Variants in MDC1 observed in about 807,000 individuals in gnomAD.
MDC1 encodes mediator of DNA damage checkpoint 1.
A neutral mutation model predicts 142.5 loss-of-function variants in MDC1; 81 were observed. The observed-to-expected ratio is 0.57, with a 90% CI of 0.47 to 0.68. The LOEUF is 0.68. Among genes scored for constraint, MDC1 ranks in the 30% least tolerant of loss-of-function variants. The pLI is 0.00. For synonymous variants in MDC1, 797 were observed against 968.4 expected, an observed-to-expected ratio of 0.82 and a Z score of 3.29; for missense variants, 2,119 against 2,547.9, an observed-to-expected ratio of 0.83 and a Z score of 3.62.
In MDC1 at chr6:30,715,257, G is replaced by C; in HGVS notation, c.-3-79C>G. On this transcript the variant is annotated intron_variant, in intron 1 of 14. Transcript: ENST00000376406. This position sits in a 1 kb window ranked among gnomAD's most constrained non-coding sequence, Gnocchi z 4.1. ...ATCAGAGTTATCAGACTGAAAACTA[G>C]GGGGTAAACTGGATCATTATGAACG... 1 of 1,471,374 alleles carries C rather than the reference G, an allele frequency of 6.8e-7. No homozygotes were observed. 91.1% of individuals were successfully genotyped at this position (1,471,374 alleles called of 1,614,324 possible).
At position 30,706,097 on chromosome 6, in the gene MDC1, C is replaced by A. The variant is rs1773752933; in HGVS notation, c.3086G>T (p.Gly1029Val). ...ACAAGCATCTGGAGATTCCTGATCGCCCTAGGGAGAAACAGAAGCAAGTGA... is the reference window on the plus strand; with the variant it reads ...ACAAGCATCTGGAGATTCCTGATCGACCTAGGGAGAAACAGAAGCAAGTGA... ...RIRAAEKVSRGDQESPDACLP... is the reference protein window; with the variant it reads ...RIRAAEKVSRVDQESPDACLP... The change falls in exon 10 of 15, where the codon GGC becomes GTC. Residue 1029 changes from glycine to valine, a missense_variant and splice_region_variant. By Grantham distance (109) the Gly-to-Val change is moderately radical (BLOSUM62 -3). Transcript: ENST00000376406. 1.3e-6 allele frequency: 2 copies of A among 1,561,142 alleles called. No homozygotes were observed. The highest frequency in any genetic ancestry group is 2.2e-5 in the East Asian group (1 of 44,580).
chr6:30,707,884 C>T lies in MDC1; in HGVS notation c.2695G>A (p.Glu899Lys). 1.2e-6 allele frequency: 2 copies of T among 1,613,052 alleles called. No individual in the cohort carries two copies. Among genetic ancestry groups the T allele is most frequent in the South Asian group, 2.2e-5 (2 of 91,086 alleles). Reference sequence around the variant, plus strand: ...TTCTGTACTTGTTTCTCTTGTATTTCCTCAGATGTCTCAATTTCTACCTTC... The same window carrying T: ...TTCTGTACTTGTTTCTCTTGTATTTTCTCAGATGTCTCAATTTCTACCTTC... Reference protein sequence around the residue: ...SLKVEIETSEEIQEKQVQKQT... With the variant: ...SLKVEIETSEKIQEKQVQKQT... The change falls in exon 8 of 15, where the codon GAA becomes AAA. Residue 899 changes from glutamate (E) to lysine (K), a missense_variant. Coordinates refer to ENST00000376406, the MANE Select transcript of MDC1 (RefSeq NM_014641.3).
intron 7 of MDC1, 52 bp downstream of exon 7, chr6:30,711,360 A>G (rs1002129942): frequency 7.9e-6 from 12 of 1,518,346 alleles, no homozygotes; most frequent in Non-Finnish European, 1.1e-5. Context: ...GACAGAGGAA[A>G]AAAAAGAGAA....
chr6:30,708,223 G>A lies in MDC1; in HGVS notation c.2356C>T (p.Pro786Ser). 1 of 1,613,080 alleles carries A rather than the reference G, an allele frequency of 6.2e-7. No individual in the cohort carries two copies. Among genetic ancestry groups the A allele is most frequent in the Middle Eastern group, 1.6e-4 (1 of 6,062 alleles). The change falls in exon 8 of 15, where the codon CCA becomes TCA. Residue 786 changes from proline to serine, a missense_variant. Physicochemically the swap from Pro to Ser is moderately conservative, Grantham distance 74. Transcript: ENST00000376406. ...GGGCTCTCTGGATGTTGGTCTCCTG[G>A]TATTGCCCTAGGTGGAGACAGGCAA... is the stretch of plus-strand genomic sequence containing the variant. Reference protein sequence around the residue: ...GPCLSPPRAIPGDQHPESPVH... With the variant: ...GPCLSPPRAISGDQHPESPVH...
rs142380081 is a variant in MDC1, at chr6:30,700,733, T to C, written c.6103-101A>G. 65 of 1,226,012 alleles carry C rather than the reference T, an allele frequency of 5.3e-5. No homozygotes were observed. In the Middle Eastern group the frequency reaches 1.0e-3, roughly 20 times the overall value. 75.9% of individuals were successfully genotyped at this position (1,226,012 alleles called of 1,614,324 possible). A position where few individuals can be genotyped will look rare whatever the true frequency, so the allele number is the denominator to read the frequency against. On this transcript the variant is annotated intron_variant, in intron 14 of 14. Transcript: ENST00000376406. ...TTACCATCACTAAAATAATACCTCC[T>C]AATATGAAGCCAAGTGAAGCACACC...
chr6:30,700,935 C>T (rs1282651703), intron 14 of MDC1, among the ~76,000 whole-genome samples: 1 of 148,188 alleles, frequency 6.7e-6, no homozygotes, highest in East Asian at 2.0e-4. Context: ...TAGCCGGGCG[C>T]GCTGACGGGT....
In MDC1 at chr6:30,707,867, T is replaced by C. The variant is rs146144751; in HGVS notation, c.2712A>G (p.Gln904=). 832 of 1,613,144 alleles carry C rather than the reference T, an allele frequency of 5.2e-4. 1 individual carries two copies. The highest frequency in any genetic ancestry group is 1.4e-3 in the South Asian group (123 of 91,084). Residue 904 remains glutamine, a synonymous_variant, in exon 8 of 15, where the codon CAA becomes CAG. Coordinates refer to ENST00000376406, the MANE Select transcript of MDC1 (RefSeq NM_014641.3). The part of the protein sequence containing the change: ...IETSEEIQEK[Q]VQKQTLPSKA... ...TGCTTGGAAGGGTCTGCTTCTGTAC[T>C]TGTTTCTCTTGTATTTCCTCAGATG...
Position 30,713,424 on chromosome 6 carries a change from G to A in MDC1, c.588-70C>T. 1 of 1,455,990 alleles carries A rather than the reference G, an allele frequency of 6.9e-7. No homozygotes were observed. The highest frequency in any genetic ancestry group is 1.4e-5 in the South Asian group (1 of 73,252). 90.2% of individuals were successfully genotyped at this position (1,455,990 alleles called of 1,614,324 possible). ...AAGGGATACCCCAACTCAACTGTGA[G>A]CTCCTTGAGGGGAGACACAAGGTAG... is the stretch of plus-strand genomic sequence containing the variant. On this transcript the variant is annotated intron_variant, in intron 4 of 14. Transcript: ENST00000376406. The surrounding 1 kb of genome is among the most constrained non-coding windows in gnomAD (Gnocchi z 4.9).
chr6:30,701,274 G>A (rs1216997942), intron 14 of MDC1, among the ~76,000 whole-genome samples: 6 of 151,690 alleles, frequency 4.0e-5, no homozygotes, highest in East Asian at 1.9e-4. Flanking sequence ...GGTGGTGTGC[G>A]CCTGTAGTCC....
chr6:30,705,833 G>A lies in MDC1; in HGVS notation c.3350C>T (p.Pro1117Leu). ...AGGGGCAGCAGAGGTAGCTGGAAAG[G>A]GTGTCATTCTGGAGGACTTCCGAGT... Reference protein sequence around the residue: ...IRTRKSSRMTPFPATSAAPEP... With the variant: ...IRTRKSSRMTLFPATSAAPEP... The change falls in exon 10 of 15, where the codon CCC becomes CTC. Residue 1117 changes from proline to leucine, a missense_variant. Pro to Leu is a moderately conservative substitution (Grantham distance 98). Transcript: ENST00000376406. 1.2e-6 allele frequency: 2 copies of A among 1,612,102 alleles called. No individual in the cohort carries two copies. The highest frequency in any genetic ancestry group is 1.7e-6 in the Non-Finnish European group (2 of 1,178,992).
In MDC1 at chr6:30,704,270, G is replaced by C. The variant is rs1773306355; in HGVS notation, c.4913C>G (p.Thr1638Ser). The change falls in exon 10 of 15, where the codon ACT becomes AGT. Residue 1638 changes from threonine (T) to serine (S), a missense_variant. Coordinates refer to ENST00000376406, the MANE Select transcript of MDC1 (RefSeq NM_014641.3). ...PVTPKLTSRA[T>S]RRKTNRSSVK... is the part of the protein sequence containing the mutation. Reference sequence around the variant, plus strand: ...AGAGGACCTATTTGTCTTTCTCCTAGTGGCCCTAGATGTGAGCTTGGGGGT... The same window carrying C: ...AGAGGACCTATTTGTCTTTCTCCTACTGGCCCTAGATGTGAGCTTGGGGGT... The C allele has an allele frequency of 1.9e-6, 3 of 1,613,528 alleles. No individual in the cohort carries two copies. The highest frequency in any genetic ancestry group is 8.5e-7 in the Non-Finnish European group (1 of 1,179,738).
intron 9 of MDC1, among the ~76,000 whole-genome samples, chr6:30,706,786 G>A (rs937297234): frequency 6.6e-6 from 1 of 151,310 alleles, no homozygotes; most frequent in African/African-American, 2.4e-5. Context: ...GACAGAGTGA[G>A]ACTGTCTCAA....
Position 30,712,276 on chromosome 6 carries a change from C to T in MDC1, c.1666G>A (p.Val556Ile). The T allele has an allele frequency of 1.2e-6, 2 of 1,613,148 alleles. No homozygotes were observed. The highest frequency in any genetic ancestry group is 1.7e-6 in the Non-Finnish European group (2 of 1,180,042). The change falls in exon 5 of 15, where the codon GTT (valine) becomes ATT (isoleucine). Residue 556 changes from valine to isoleucine, a missense_variant. Physicochemically the swap from Val to Ile is conservative, Grantham distance 29. Coordinates refer to ENST00000376406, the MANE Select transcript of MDC1 (RefSeq NM_014641.3). The surrounding 1 kb of genome is among the most constrained non-coding windows in gnomAD (Gnocchi z 4.7). ...ACAAGCAGCTTTGCTGGTCCCCCAA[C>T]TGCTTTCACATCTGTTTGATTTGTC... ...EGTNQTDVKA[V>I]GGPAKLLVVS...
In MDC1 at chr6:30,705,332, A is replaced by G. The variant is rs1773590659; in HGVS notation, c.3851T>C (p.Val1284Ala). ...NRSSVKTPEPVVPTAPELRPS... is the reference protein window; with the variant it reads ...NRSSVKTPEPAVPTAPELRPS... ...CCGGAGCTCAGGGGCTGTGGGCACA[A>G]CTGGTTCAGGGGTCTTGACAGAGGA... The change falls in exon 10 of 15, where the codon GTT becomes GCT. Residue 1284 changes from valine to alanine, a missense_variant. By Grantham distance (64) the Val-to-Ala change is moderately conservative (BLOSUM62 0). Transcript: ENST00000376406. The G allele has an allele frequency of 3.7e-6, 6 of 1,602,988 alleles. No individual in the cohort carries two copies. The highest frequency in any genetic ancestry group is 5.1e-6 in the Non-Finnish European group (6 of 1,175,940).
At position 30,704,901 on chromosome 6, in the gene MDC1, G is replaced by C. The variant is rs1434570260; in HGVS notation, c.4282C>G (p.Pro1428Ala). Reference protein sequence around the residue: ...TSTDQPVTPEPTSQATRGRTN... With the variant: ...TSTDQPVTPEATSQATRGRTN... The stretch of plus-strand genomic sequence containing the variant: ...CTGCCCCTGGTGGCCTGAGATGTGG[G>C]CTCAGGAGTGACAGGTTGGTCTGTG... The change falls in exon 10 of 15, where the codon CCC becomes GCC. Residue 1428 changes from proline (P) to alanine (A), a missense_variant. Transcript: ENST00000376406. 6.2e-7 allele frequency: 1 copy of C among 1,605,434 alleles called. No individual in the cohort carries two copies. Among genetic ancestry groups the C allele is most frequent in the African/African-American group, 1.3e-5 (1 of 74,422 alleles).
At position 30,700,526 on chromosome 6, in the gene MDC1, A is replaced by G. The variant is rs1772439531; in HGVS notation, c.6209T>C (p.Leu2070Pro). 6.2e-7 allele frequency: 1 copy of G among 1,613,012 alleles called. No homozygotes were observed. Among genetic ancestry groups the G allele is most frequent in the Non-Finnish European group, 8.5e-7 (1 of 1,180,018 alleles). ...LSPEFLLTGV[L>P]KQEAKPEAFV... ...GGCCTCTGGCTTGGCTTCCTGCTTCAGCACTCCAGTCAGCAGGAACTCAGG... is the reference window on the plus strand; with the variant it reads ...GGCCTCTGGCTTGGCTTCCTGCTTCGGCACTCCAGTCAGCAGGAACTCAGG... Residue 2070 changes from leucine to proline, a missense_variant, in exon 15 of 15, where the codon CTG becomes CCG. Transcript: ENST00000376406.
chr6:30,703,001 C>T lies in MDC1; in HGVS notation c.5865+103G>A. On this transcript the variant is annotated intron_variant, in intron 12 of 14. Coordinates refer to ENST00000376406, the MANE Select transcript of MDC1 (RefSeq NM_014641.3). The surrounding 1 kb of genome is among the most constrained non-coding windows in gnomAD (Gnocchi z 4.4). Reference sequence around the variant, plus strand: ...AATGCAGGCTTCTGGCTCACCAATGCCCCTGTCTTCCTGTAACGCCTCTTC... The same window carrying T: ...AATGCAGGCTTCTGGCTCACCAATGTCCCTGTCTTCCTGTAACGCCTCTTC... 3 of 1,576,104 alleles carry T rather than the reference C, an allele frequency of 1.9e-6. No individual in the cohort carries two copies. The highest frequency in any genetic ancestry group is 2.6e-6 in the Non-Finnish European group (3 of 1,158,860).
At chr6:30,708,424 G>A (rs1400186349) in intron 7 of MDC1, 67 bp from the exon 8 acceptor site, 9 of 1,194,112 alleles carry the variant, frequency 7.5e-6, no homozygotes, top group Non-Finnish European at 1.1e-5. Context: ...AAGAGGGAAA[G>A]GGAAGTACAG....
In MDC1 at chr6:30,703,963, C is replaced by G; in HGVS notation, c.5220G>C (p.Lys1740Asn). Residue 1740 changes from lysine (K) to asparagine (N), a missense_variant, in exon 10 of 15, where the codon AAG (lysine) becomes AAC (asparagine). Lys to Asn is a moderately conservative substitution (Grantham distance 94). Coordinates refer to ENST00000376406, the MANE Select transcript of MDC1 (RefSeq NM_014641.3). This position sits in a 1 kb window ranked among gnomAD's most constrained non-coding sequence, Gnocchi z 4.4. ...PGSLAAPIDH[K>N]PCSAPLEPKS... Reference sequence around the variant, plus strand: ...TAGGTTCCAAGGGTGCAGAGCAAGGCTTATGGTCAATGGGAGCTGCGAGGG... The same window carrying G: ...TAGGTTCCAAGGGTGCAGAGCAAGGGTTATGGTCAATGGGAGCTGCGAGGG... The G allele has an allele frequency of 6.2e-7, 1 of 1,614,172 alleles. No homozygotes were observed.
Sources: allele counts gnomAD v4.1 joint callset (sites outside exome capture counted in the v4.1 genomes callset), GRCh38; gene constraint gnomAD v4.1.1; non-coding constraint Gnocchi (gnomAD v3.1); transcripts MANE v1.5; gene names NCBI Gene and HGNC (gene_info 2026-07-23, HGNC 2026-07-21).